Variants in DMD observed in about 807,000 individuals in gnomAD.
DMD encodes the protein mutant dystrophin.
Under a neutral mutation model 330.1 loss-of-function variants are expected in DMD, and 63 were observed. That is an observed-to-expected ratio of 0.19 (90% CI 0.16 to 0.24). The LOEUF is 0.24. Among genes scored for constraint, DMD ranks in the 10% least tolerant of loss-of-function variants. The pLI, the probability that DMD is intolerant of heterozygous loss-of-function variation, is 1.00. For synonymous variants in DMD, 1,223 were observed against 959.8 expected (o/e 1.27, Z -5.07); for missense variants, 3,344 against 2,684.1 (o/e 1.25, Z -5.43).
chrX:31,756,717 T>A (rs938957586), intron 51 of DMD, among the ~76,000 whole-genome samples: 1 of 112,668 alleles, frequency 8.9e-6, no homozygotes, highest in Non-Finnish European at 1.9e-5. Context: ...ATGGTAAGCA[T>A]CATGAATTTT....
chrX:31,403,283 G>A (rs2061271714), intron 60 of DMD, among the ~76,000 whole-genome samples: 1 of 111,720 alleles, frequency 9.0e-6, no homozygotes, highest in African/African-American at 3.2e-5. Context: ...AACTTGACAC[G>A]AAGAGAAGAA....
At chrX:32,197,977 C>T (rs922581205) in intron 44 of DMD, among the ~76,000 whole-genome samples, 2 of 111,343 alleles carry the variant, frequency 1.8e-5, no homozygotes, top group Non-Finnish European at 3.8e-5. Context: ...CCAACACAGC[C>T]CTTTTGTATC....
chrX:32,275,274 T>C (rs2097381564), intron 43 of DMD, among the ~76,000 whole-genome samples: 2 of 112,047 alleles, frequency 1.8e-5, no homozygotes, highest in African/African-American at 6.5e-5. Flanking sequence ...TTATAATAAA[T>C]GACAGATTAA....
At chrX:32,657,167 T>C (rs377064656) in intron 9 of DMD, among the ~76,000 whole-genome samples, 3 of 110,496 alleles carry the variant, frequency 2.7e-5, no homozygotes, top group East Asian at 5.7e-4. Flanking sequence ...GTCTTGGCTA[T>C]TATAATCCAC....
chrX:31,657,598 C>A (rs886596676), intron 54 of DMD, among the ~76,000 whole-genome samples: 2 of 111,665 alleles, frequency 1.8e-5, no homozygotes, highest in Non-Finnish European at 3.8e-5. Flanking sequence ...CCATGTACAG[C>A]TATAACTCTA....
At chrX:32,829,927 C>G (rs993386172) in intron 4 of DMD, among the ~76,000 whole-genome samples, 1 of 111,675 alleles carries the variant, frequency 9.0e-6, no homozygotes, top group Non-Finnish European at 1.9e-5. Context: ...GGCTCTCTCT[C>G]CAAGTTAATA....
chrX:32,501,352 A>G (rs1569564911), intron 19 of DMD, among the ~76,000 whole-genome samples: 2 of 112,122 alleles, frequency 1.8e-5, no homozygotes, highest in East Asian at 2.8e-4. Context: ...AACATTCCAT[A>G]TAATTTTAGT....
intron 52 of DMD, among the ~76,000 whole-genome samples, chrX:31,702,920 T>C (rs5972433): frequency 0.097 from 10,118 of 104,413 alleles, 1,043 homozygotes; most frequent in African/African-American, 0.29. Flanking sequence ...AGTGGCACCA[T>C]CTTGGCTCAC....
At chrX:32,837,110 T>C (rs774944340) in intron 4 of DMD, among the ~76,000 whole-genome samples, 1 of 111,771 alleles carries the variant, frequency 8.9e-6, no homozygotes, top group East Asian at 2.8e-4. Context: ...CCAACAAGAC[T>C]GGGCCCTAGC....
chrX:32,753,702 C>G (rs186516211), intron 7 of DMD, among the ~76,000 whole-genome samples: 37 of 112,257 alleles, frequency 3.3e-4, no homozygotes, highest in African/African-American at 1.1e-3. Context: ...CTACATTATA[C>G]TATACTTTGT....
At chrX:31,569,623 CGTATATACGTATATATAT>C (rs1245513467) in intron 55 of DMD, among the ~76,000 whole-genome samples, 16 of 86,505 alleles carry the variant, frequency 1.8e-4, no homozygotes, top group African/African-American at 3.4e-4. Flanking sequence ...CGTATATATA[CGTATATACGTATATATAT>C]GTATATACGT....
chrX:32,273,065 T>C (rs2097371094), intron 43 of DMD, among the ~76,000 whole-genome samples: 1 of 111,430 alleles, frequency 9.0e-6, no homozygotes. Flanking sequence ...CAGACAAAAG[T>C]TGATGAATGA....
intron 27 of DMD, among the ~76,000 whole-genome samples, chrX:32,444,017 G>C (rs2098293262): frequency 9.1e-6 from 1 of 110,297 alleles, no homozygotes; most frequent in Non-Finnish European, 1.9e-5. Context: ...GGAAATGAAA[G>C]TAGAAAGTGG....
chrX:32,447,833 C>A (rs1021955091), intron 27 of DMD, among the ~76,000 whole-genome samples: 2 of 111,448 alleles, frequency 1.8e-5, no homozygotes, highest in African/African-American at 6.5e-5. Flanking sequence ...ATTTGAGGCA[C>A]CTGCTTTCTT....
chrX:31,160,852 A>G (rs1760419871), intron 74 of DMD, among the ~76,000 whole-genome samples: 1 of 111,901 alleles, frequency 8.9e-6, no homozygotes, highest in African/African-American at 3.2e-5. Context: ...AGGCCATGAG[A>G]AACAGCCACA....
chrX:32,133,461 C>T (rs1267550965), intron 44 of DMD, among the ~76,000 whole-genome samples: 3 of 111,570 alleles, frequency 2.7e-5, no homozygotes, highest in Non-Finnish European at 5.6e-5. Context: ...CAAACACCTC[C>T]GAAATTTAAA....
chrX:32,802,447 A>G (rs988382353), intron 7 of DMD, among the ~76,000 whole-genome samples: 1 of 111,340 alleles, frequency 9.0e-6, no homozygotes, highest in African/African-American at 3.3e-5. Flanking sequence ...TCATCTGCAA[A>G]CAGAGAATTT....
chrX:31,450,294 T>C (rs1458010871), intron 59 of DMD, among the ~76,000 whole-genome samples: 5 of 111,796 alleles, frequency 4.5e-5, no homozygotes, highest in East Asian at 2.8e-4. Flanking sequence ...TACCCGGGAA[T>C]TGGCAGCAGG....
intron 44 of DMD, among the ~76,000 whole-genome samples, chrX:32,212,781 A>G (rs140033724): frequency 0.015 from 1,653 of 111,914 alleles, 37 homozygotes; most frequent in African/African-American, 0.051. Flanking sequence ...TATTTTTCTC[A>G]GGTAAAAAAA....
Sources: gnomAD v4.1 joint callset for allele counts (sites outside exome capture counted in the v4.1 genomes callset) on GRCh38, gnomAD v4.1.1 for gene constraint, MANE v1.5 for transcripts, NCBI Gene and HGNC (gene_info 2026-07-23, HGNC 2026-07-21) for gene names.